UVSSA: variants seen among roughly 807,000 people sequenced by gnomAD.
UVSSA encodes UV stimulated scaffold protein A.
In UVSSA, 72 loss-of-function variants were observed where a neutral mutation model predicts 73.9. That is an observed-to-expected ratio of 0.97 (90% confidence interval 0.81 to 1.19). The LOEUF (loss-of-function observed/expected upper bound fraction) is 1.19. Ranked by LOEUF, UVSSA falls within the 50% of genes most tolerant of loss-of-function variation. The probability of loss-of-function intolerance (pLI) is 0.00; values close to 1 mark genes in which losing one functional copy is unlikely to be tolerated. For missense variants in UVSSA, 1,150 were observed against 965.0 expected, an observed-to-expected ratio of 1.19 and a Z score of -2.54; for synonymous variants, 454 against 391.3, an observed-to-expected ratio of 1.16 and a Z score of -1.89.
intron 13 of UVSSA, 191 bp from the exon 14 acceptor site, chr4:1,385,677 G>C (rs1023719899): frequency 3.2e-6 from 2 of 616,582 alleles, no homozygotes; most frequent in South Asian, 1.9e-5. Flanking sequence ...TTCTAAGCCT[G>C]TCTGTCTCGG....
intron 9 of UVSSA, 78 bp from the exon 10 acceptor site, chr4:1,375,956 T>TG: frequency 1.3e-6 from 2 of 1,536,400 alleles, no homozygotes. Flanking sequence ...AGCCTTGCTG[T>TG]GGGGGTGGGG....
rs1275422284 is a variant in UVSSA, at chr4:1,376,128, T to C, written c.1528T>C (p.Tyr510His). 1 of 1,610,286 alleles carries C rather than the reference T, an allele frequency of 6.2e-7. No homozygotes were observed. ...GGTGCCCTACGGCGTGGACCTGCAC[T>C]ACTGGGGCCAGGAGCTCCCCACAGC... ...PVVPYGVDLH[Y>H]WGQELPTAGK... Residue 510 changes from tyrosine to histidine, a missense_variant, in exon 10 of 14, where the codon TAC becomes CAC. Coordinates refer to ENST00000389851, the MANE Select transcript of UVSSA (RefSeq NM_020894.4).
At chr4:1,347,992 G>A in intron 1 of UVSSA, 98 bp from the exon 2 acceptor site, 1 of 1,015,214 alleles carries the variant, frequency 9.9e-7, no homozygotes, top group Non-Finnish European at 1.5e-6. Flanking sequence ...TCCTCCCGGA[G>A]CTTTCGGTTT....
At chr4:1,374,353 G>T (rs1158989701) in intron 8 of UVSSA, among the ~76,000 whole-genome samples, 4 of 152,256 alleles carry the variant, frequency 2.6e-5, no homozygotes, top group Non-Finnish European at 5.9e-5. Flanking sequence ...AGCCGCTAGG[G>T]AGTATAGGCC....
At chr4:1,372,138 T>C (rs1476655264) in intron 8 of UVSSA, among the ~76,000 whole-genome samples, 1 of 152,256 alleles carries the variant, frequency 6.6e-6, no homozygotes, top group Non-Finnish European at 1.5e-5. Flanking sequence ...TGTCTTTTGG[T>C]CACTGTTTTC....
At chr4:1,392,193 CT>C (rs1403517695), downstream of UVSSA, 1 of 152,218 alleles carries the variant, frequency 6.6e-6, no homozygotes, top group Non-Finnish European at 1.5e-5. Context: ...AAAACCTTCA[CT>C]TCAAGTAGCT....
chr4:1,394,499 C>A (rs1460358912), exon 14 of UVSSA: 1 of 1,612,658 alleles, frequency 6.2e-7, no homozygotes, highest in Admixed American at 1.7e-5. Flanking sequence ...GTCCAGGTGT[C>A]CCTGCACCTC....
upstream of UVSSA, among the ~76,000 whole-genome samples, chr4:1,345,827 A>C (rs1017211567): frequency 6.6e-6 from 1 of 152,106 alleles, no homozygotes; most frequent in Admixed American, 6.5e-5. Flanking sequence ...GGGTTTTGTT[A>C]GTATGGGAGA....
At chr4:1,352,169 C>A (rs1275608773) in intron 4 of UVSSA, among the ~76,000 whole-genome samples, 1 of 152,244 alleles carries the variant, frequency 6.6e-6, no homozygotes, top group African/African-American at 2.4e-5. Flanking sequence ...TTGTGGCTGT[C>A]TTGCCCTTGC....
chr4:1,366,304 G>A lies in UVSSA; in HGVS notation c.1177-16G>A. On this transcript the variant is annotated splice_polypyrimidine_tract_variant and intron_variant, in intron 7 of 13. Coordinates refer to ENST00000389851, the MANE Select transcript of UVSSA (RefSeq NM_020894.4). Reference sequence around the variant, plus strand: ...AGGGTCTGGGGGTTGATTTGTATTGGGGTGTTTTTCCACAGACAGAAGCCC... The same window carrying A: ...AGGGTCTGGGGGTTGATTTGTATTGAGGTGTTTTTCCACAGACAGAAGCCC... 6.3e-7 allele frequency: 1 copy of A among 1,595,664 alleles called. No individual in the cohort carries two copies. The highest frequency in any genetic ancestry group is 2.2e-5 in the East Asian group (1 of 44,708).
At chr4:1,377,408 A>T (rs1160181913) in intron 10 of UVSSA, among the ~76,000 whole-genome samples, 1 of 152,024 alleles carries the variant, frequency 6.6e-6, no homozygotes, top group Non-Finnish European at 1.5e-5. Context: ...GGCTCCACAG[A>T]CACCGCCCCT....
At chr4:1,382,523 T>C (rs1560486843) in intron 12 of UVSSA, among the ~76,000 whole-genome samples, 1 of 152,208 alleles carries the variant, frequency 6.6e-6, no homozygotes, top group Non-Finnish European at 1.5e-5. Flanking sequence ...CCTCAAAGGC[T>C]TTTAAATTGC....
At chr4:1,365,667 A>G (rs1234690027) in intron 7 of UVSSA, among the ~76,000 whole-genome samples, 2 of 152,232 alleles carry the variant, frequency 1.3e-5, no homozygotes. Context: ...AATGTTCCAG[A>G]AGTACTTGTC....
At chr4:1,352,746 G>A (rs986643119) in intron 4 of UVSSA, among the ~76,000 whole-genome samples, 6 of 152,260 alleles carry the variant, frequency 3.9e-5, no homozygotes, top group African/African-American at 1.4e-4. Context: ...GAGTCCAGGA[G>A]TTTAAAGCCA....
At position 1,386,181 on chromosome 4, in the gene UVSSA, G is replaced by C. The variant is rs1720098776; in HGVS notation, c.*220G>C. ...GTCTGGCCTCGCAGAAGAGGCCCTC[G>C]GGCCTGGAGATGTGAACACAGGCAG... On this transcript the variant is annotated 3_prime_UTR_variant, in exon 14 of 14. Coordinates refer to ENST00000389851, the MANE Select transcript of UVSSA (RefSeq NM_020894.4). 2 of 541,836 alleles carry C rather than the reference G, an allele frequency of 3.7e-6. No individual in the cohort carries two copies. The highest frequency in any genetic ancestry group is 4.1e-5 in the South Asian group (2 of 49,206). The allele number at this position is 541,836 out of a possible 1,614,324, so 33.6% of individuals were successfully genotyped here. A position where few individuals can be genotyped will look rare whatever the true frequency, so the allele number is the denominator to read the frequency against.
At chr4:1,360,562 C>CCCCCA (rs1716481015) in intron 7 of UVSSA, among the ~76,000 whole-genome samples, 1 of 152,210 alleles carries the variant, frequency 6.6e-6, no homozygotes, top group African/African-American at 2.4e-5. Context: ...GCTATGGCCG[C>CCCCCA]GCCCAGAGGC....
chr4:1,360,655 G>C (rs936610995), intron 7 of UVSSA, among the ~76,000 whole-genome samples: 2 of 152,168 alleles, frequency 1.3e-5, no homozygotes, highest in Non-Finnish European at 2.9e-5. Context: ...TCAGGCTGAA[G>C]CAGGGTCCTT....
chr4:1,380,807 G>A (rs558555372), intron 11 of UVSSA, 73 bp from the exon 12 acceptor site: 10 of 1,592,676 alleles, frequency 6.3e-6, no homozygotes, highest in South Asian at 2.2e-5. Context: ...TGCCCAAGTC[G>A]TGGTGGTGGG....
rs189067218 is a variant in UVSSA at position 1,387,485 on chromosome 4, T to G, written c.*1524T>G. 1 of 152,372 alleles carries G rather than the reference T, an allele frequency of 6.6e-6. No homozygotes were observed. 9.4% of individuals were successfully genotyped at this position (152,372 alleles called of 1,614,324 possible). On this transcript the variant is annotated 3_prime_UTR_variant, in exon 14 of 14. Coordinates refer to ENST00000389851, the MANE Select transcript of UVSSA (RefSeq NM_020894.4). ...CAGCAATTTATCTGTTTTTTTCTTT[T>G]GTTGCTTATGCTTTTGCTGTCACAT...
Sources: gnomAD v4.1 joint callset for allele counts (sites outside exome capture counted in the v4.1 genomes callset) on GRCh38, gnomAD v4.1.1 for gene constraint, MANE v1.5 for transcripts, NCBI Gene and HGNC (gene_info 2026-07-23, HGNC 2026-07-21) for gene names.